Variants in CCDC57 observed in about 807,000 individuals in gnomAD.
CCDC57 encodes the protein coiled-coil domain containing 57.
In CCDC57, 118 loss-of-function variants were observed where a neutral mutation model predicts 118.9. The ratio of observed to expected loss-of-function variants is 0.99; its 90% confidence interval spans 0.86 to 1.16. CCDC57 has a LOEUF of 1.16. Ranked by LOEUF, CCDC57 falls within the 50% of genes most tolerant of loss-of-function variation. The probability of loss-of-function intolerance (pLI) is 0.00; values close to 1 mark genes in which losing one functional copy is unlikely to be tolerated. For missense variants in CCDC57, 1,300 were observed against 1,320.7 expected, an observed-to-expected ratio of 0.98 and a Z score of 0.24; for synonymous variants, 527 against 532.9, an observed-to-expected ratio of 0.99 and a Z score of 0.15.
chr17:82,112,768 C>T (rs1054647443), intron 19 of CCDC57: 4 of 152,646 alleles, frequency 2.6e-5, no homozygotes, highest in Admixed American at 1.3e-4. Flanking sequence ...CCTTGCCTGT[C>T]TCCCTTCCAA....
rs1216297514 is a variant in CCDC57, at chr17:82,184,029, G to GCACACACA, written c.1053-98_1053-97insTGTGTGTG. 1.7e-3 allele frequency: 417 copies of GCACACACA among 238,712 alleles called. 1 individual carries two copies. Among genetic ancestry groups the GCACACACA allele is most frequent in the East Asian group, 6.9e-3 (60 of 8,704 alleles). 14.8% of individuals were successfully genotyped at this position (238,712 alleles called of 1,614,324 possible). A position where few individuals can be genotyped will look rare whatever the true frequency, so the allele number is the denominator to read the frequency against. On this transcript the variant is annotated intron_variant, in intron 8 of 19. Coordinates refer to ENST00000665763, the Ensembl canonical transcript of CCDC57. Reference sequence around the variant, plus strand: ...AGCAAATACACATGCGCGCGCGCGCGCGCACACACACACACACACACACAC... The same window carrying GCACACACA: ...AGCAAATACACATGCGCGCGCGCGCGCACACACACGCACACACACACACACACACACAC...
chr17:82,105,179 G>A (rs937461660), intron 19 of CCDC57: 1 of 152,358 alleles, frequency 6.6e-6, no homozygotes, highest in African/African-American at 2.4e-5. Context: ...CTTGGGGCTG[G>A]GGAGGGCCTG....
At chr17:82,138,249 C>T (rs1459337662) in intron 16 of CCDC57, among the ~76,000 whole-genome samples, 2 of 150,214 alleles carry the variant, frequency 1.3e-5, no homozygotes, top group African/African-American at 2.4e-5. Context: ...CCCGGGTTCA[C>T]GCCACTCTCC....
At chr17:82,195,508 G>A (rs112966461) in intron 4 of CCDC57, 144 bp from the exon 4 acceptor site, 10 of 691,782 alleles carry the variant, frequency 1.4e-5, no homozygotes, top group African/African-American at 1.2e-4. Context: ...GAGAGAAGCT[G>A]GGGTCAGCGA....
chr17:82,190,900 G>A (rs1451005293), intron 7 of CCDC57, among the ~76,000 whole-genome samples: 1 of 151,104 alleles, frequency 6.6e-6, no homozygotes, highest in East Asian at 2.0e-4. Flanking sequence ...TGCTGTGGCC[G>A]AAAACCCCCC....
intron 19 of CCDC57, among the ~76,000 whole-genome samples, chr17:82,104,063 C>T (rs776735741): frequency 6.6e-6 from 1 of 152,224 alleles, no homozygotes; most frequent in Admixed American, 6.5e-5. Flanking sequence ...TGTGTCAAGG[C>T]GGCTGCCCCA....
intron 2 of CCDC57, among the ~76,000 whole-genome samples, chr17:82,203,052 A>G (rs1257138369): frequency 2.6e-5 from 4 of 152,222 alleles, no homozygotes; most frequent in Admixed American, 6.5e-5. Flanking sequence ...GTAATCCCCA[A>G]CGGGGGAGCT....
At chr17:82,135,897 T>A (rs1337382929) in intron 16 of CCDC57, among the ~76,000 whole-genome samples, 1 of 152,096 alleles carries the variant, frequency 6.6e-6, no homozygotes, top group African/African-American at 2.4e-5. Context: ...CACCTCTATT[T>A]TTAAAAGAAA....
chr17:82,132,739 T>A (rs1037669225), intron 17 of CCDC57, among the ~76,000 whole-genome samples: 7 of 150,434 alleles, frequency 4.7e-5, no homozygotes, highest in African/African-American at 1.5e-4. Context: ...TATTTTTATC[T>A]TTCTGTAGAG....
At chr17:82,106,175 C>T (rs1203165431) in intron 19 of CCDC57, 1 of 152,492 alleles carries the variant, frequency 6.6e-6, no homozygotes, top group Non-Finnish European at 1.5e-5. Context: ...GAGGAGTCAC[C>T]TAGTAGTGGG....
chr17:82,204,644 G>A (rs1268882693), intron 2 of CCDC57, among the ~76,000 whole-genome samples: 4 of 152,148 alleles, frequency 2.6e-5, no homozygotes, highest in African/African-American at 4.8e-5. Flanking sequence ...TTAGCTGGGC[G>A]TGGTGGTGGG....
intron 19 of CCDC57, chr17:82,126,159 A>G (rs924803472): frequency 1.4e-4 from 23 of 161,564 alleles, no homozygotes; most frequent in Admixed American, 9.8e-4. Context: ...GGGTGCCTGT[A>G]GCTCCAGCTA....
chr17:82,184,357 C>A (rs976400032), intron 8 of CCDC57, among the ~76,000 whole-genome samples: 1 of 152,174 alleles, frequency 6.6e-6, no homozygotes, highest in African/African-American at 2.4e-5. Context: ...TAGCACAGCA[C>A]CCCACGTGCA....
chr17:82,178,342 G>T, intron 11 of CCDC57, 132 bp downstream of exon 10: 1 of 1,067,782 alleles, frequency 9.4e-7, no homozygotes, highest in South Asian at 1.9e-5. Context: ...ACCCTTGTTT[G>T]TGCAACAGGT....
intron 11 of CCDC57, among the ~76,000 whole-genome samples, chr17:82,175,338 A>C (rs1159449586): frequency 6.6e-6 from 1 of 152,222 alleles, no homozygotes. Flanking sequence ...TCACTGGCTG[A>C]GCAGGCCCAC....
intron 19 of CCDC57, among the ~76,000 whole-genome samples, chr17:82,116,640 A>T (rs8080305): frequency 1.3e-5 from 2 of 152,066 alleles, no homozygotes; most frequent in African/African-American, 4.8e-5. Context: ...CAGCTATGGG[A>T]TCTGTGGCCA....
intron 15 of CCDC57, chr17:82,155,120 G>A (rs114257162): frequency 0.047 from 7,227 of 152,376 alleles, 229 homozygotes; most frequent in African/African-American, 0.089. Flanking sequence ...CCCAGCACTG[G>A]CGATGGGAGC....
At chr17:82,109,048 C>G (rs2035064811) in intron 19 of CCDC57, 1 of 152,238 alleles carries the variant, frequency 6.6e-6, no homozygotes, top group Admixed American at 6.5e-5. Flanking sequence ...AAACATAAAC[C>G]TCCAAATACC....
chr17:82,184,029 G>GCACACACACACA lies in CCDC57; in HGVS notation c.1053-98_1053-97insTGTGTGTGTGTG, dbSNP rs1216297514. 1.3e-3 allele frequency: 311 copies of GCACACACACACA among 238,770 alleles called. 2 individuals carry two copies. Among genetic ancestry groups the GCACACACACACA allele is most frequent in the East Asian group, 5.3e-3 (46 of 8,710 alleles). The allele number at this position is 238,770 out of a possible 1,614,324, so 14.8% of individuals were successfully genotyped here. A position where few individuals can be genotyped will look rare whatever the true frequency, so the allele number is the denominator to read the frequency against. On this transcript the variant is annotated intron_variant, in intron 8 of 19. Coordinates refer to ENST00000665763, the Ensembl canonical transcript of CCDC57. ...AGCAAATACACATGCGCGCGCGCGCGCGCACACACACACACACACACACAC... is the reference window on the plus strand; with the variant it reads ...AGCAAATACACATGCGCGCGCGCGCGCACACACACACACGCACACACACACACACACACACAC...
Sources: gnomAD v4.1 joint callset for allele counts (sites outside exome capture counted in the v4.1 genomes callset) on GRCh38, gnomAD v4.1.1 for gene constraint, MANE v1.5 for transcripts, NCBI Gene and HGNC (gene_info 2026-07-23, HGNC 2026-07-21) for gene names.